Variants in DROSHA observed in about 807,000 individuals in gnomAD.
DROSHA encodes the protein drosha ribonuclease III.
Under a neutral mutation model 181.9 loss-of-function variants are expected in DROSHA, and 56 were observed. The ratio of observed to expected loss-of-function variants is 0.31; its 90% CI spans 0.25 to 0.38. DROSHA has a LOEUF of 0.38. DROSHA is among the 10% of genes least tolerant of loss of function. The probability of loss-of-function intolerance (pLI) is 1.00; values close to 1 mark genes in which losing one functional copy is unlikely to be tolerated. For synonymous variants in DROSHA, 524 were observed against 591.2 expected, an observed-to-expected ratio of 0.89 and a Z score of 1.65; for missense variants, 1,218 against 1,743.5, an observed-to-expected ratio of 0.70 and a Z score of 5.37.
At chr5:31,420,923 T>C (rs1312816689) in intron 30 of DROSHA, among the ~76,000 whole-genome samples, 2 of 152,192 alleles carry the variant, frequency 1.3e-5, no homozygotes, top group Non-Finnish European at 2.9e-5. Flanking sequence ...TATAAACTCA[T>C]GATATATATA....
At chr5:31,474,887 C>A (rs1234503897) in intron 16 of DROSHA, among the ~76,000 whole-genome samples, 1 of 152,142 alleles carries the variant, frequency 6.6e-6, no homozygotes, top group Non-Finnish European at 1.5e-5. Context: ...ACGATGATGC[C>A]CTGATCTCAG....
intron 20 of DROSHA, among the ~76,000 whole-genome samples, chr5:31,453,280 C>T (rs560732153): frequency 6.6e-6 from 1 of 152,266 alleles, no homozygotes; most frequent in East Asian, 1.9e-4. Flanking sequence ...ACTGCAGCCT[C>T]GACCTTCCAG....
intron 11 of DROSHA, among the ~76,000 whole-genome samples, chr5:31,498,389 C>T (rs1161712474): frequency 6.6e-6 from 1 of 151,656 alleles, no homozygotes; most frequent in African/African-American, 2.4e-5. Flanking sequence ...TTTGGTTATA[C>T]TTATGAATAA....
Position 31,409,312 on chromosome 5 carries a change from T to C in DROSHA, c.3688A>G (p.Ile1230Val), listed in dbSNP as rs771619776. 14 of 1,581,320 alleles carry C rather than the reference T, an allele frequency of 8.9e-6. No homozygotes were observed. Among genetic ancestry groups the C allele is most frequent in the Non-Finnish European group, 2.6e-6 (3 of 1,162,662 alleles). Residue 1230 changes from isoleucine (I) to valine (V), a missense_variant, in exon 32 of 36, where the codon ATT becomes GTT. Around this residue, in one of 8 missense-constraint regions of DROSHA, gnomAD observed 47 missense variants for 70.6 expected, o/e 0.67. Coordinates refer to ENST00000344624, the MANE Select transcript of DROSHA (RefSeq NM_001382508.1). This position sits in a 1 kb window ranked among gnomAD's most constrained non-coding sequence, Gnocchi z 4.0. ...LLESFIAALY[I>V]DKDLEYVHTF... The stretch of plus-strand genomic sequence containing the variant: ...TGAACATATTCCAAATCCTTATCAA[T>C]GTACAGCGCTGCAATAAATGCTGGG...
At chr5:31,436,265 T>C (rs540445965) in intron 24 of DROSHA, among the ~76,000 whole-genome samples, 1 of 152,286 alleles carries the variant, frequency 6.6e-6, no homozygotes, top group East Asian at 1.9e-4. Flanking sequence ...ATGTCCATCT[T>C]GTGAAAAGAA....
intron 6 of DROSHA, among the ~76,000 whole-genome samples, chr5:31,519,538 T>C (rs566986613): frequency 6.6e-6 from 1 of 152,294 alleles, no homozygotes; most frequent in South Asian, 2.1e-4. Flanking sequence ...ATGTTTTTAA[T>C]TACCATGTTG....
At chr5:31,477,386 T>C (rs554425229) in intron 16 of DROSHA, among the ~76,000 whole-genome samples, 39 of 152,354 alleles carry the variant, frequency 2.6e-4, no homozygotes, top group African/African-American at 8.4e-4. Flanking sequence ...TGACTGCGTT[T>C]CTGTGTCTTC....
At chr5:31,518,439 A>G (rs1391652429) in intron 6 of DROSHA, among the ~76,000 whole-genome samples, 1 of 152,248 alleles carries the variant, frequency 6.6e-6, no homozygotes, top group Non-Finnish European at 1.5e-5. Context: ...CATTGGTCCT[A>G]TGCATTACAA....
rs1561134560 is a variant in DROSHA at position 31,422,774 on chromosome 5, A to G, written c.3419+13T>C. On this transcript the variant is annotated intron_variant, in intron 29 of 35. Transcript: ENST00000344624. ...ATGGTCACATTGGGACTACATGAGA[A>G]CTTTTAACTCACAGGGTCAGATGGT... 1.2e-6 allele frequency: 2 copies of G among 1,613,324 alleles called. No individual in the cohort carries two copies. The highest frequency in any genetic ancestry group is 1.7e-6 in the Non-Finnish European group (2 of 1,179,618).
intron 30 of DROSHA, among the ~76,000 whole-genome samples, chr5:31,419,063 A>G (rs2149993831): frequency 6.6e-6 from 1 of 152,322 alleles, no homozygotes; most frequent in African/African-American, 2.4e-5. Flanking sequence ...ACTGTTTATT[A>G]GCTGTGAGAC....
chr5:31,500,335 A>G (rs1222865850), intron 11 of DROSHA, among the ~76,000 whole-genome samples: 3 of 152,242 alleles, frequency 2.0e-5, no homozygotes, highest in Admixed American at 1.3e-4. Flanking sequence ...GAGAGCTTTG[A>G]TCAACAGGGC....
intron 23 of DROSHA, among the ~76,000 whole-genome samples, chr5:31,442,825 T>C (rs112373643): frequency 6.6e-6 from 1 of 151,796 alleles, no homozygotes; most frequent in East Asian, 1.9e-4. Context: ...TGGACACTTG[T>C]AGGGAGGACA....
At chr5:31,429,036 T>C (rs77352679) in intron 27 of DROSHA, among the ~76,000 whole-genome samples, 6,136 of 152,236 alleles carry the variant, frequency 0.04, 412 homozygotes, top group African/African-American at 0.14. Context: ...TGAACTGACA[T>C]TTAAAAATAA....
intron 14 of DROSHA, 76 bp from the exon 15 acceptor site, chr5:31,485,038 C>T: frequency 3.8e-6 from 4 of 1,048,906 alleles, no homozygotes; most frequent in Non-Finnish European, 5.6e-6. Context: ...TTGTTCTTGT[C>T]AAGTGTCTTT....
chr5:31,422,807 C>T lies in DROSHA; in HGVS notation c.3399G>A (p.Val1133=). ...LLARAFTLRT[V]GFNHLTLGHN... Reference sequence around the variant, plus strand: ...CTCACAGGGTCAGATGGTTAAATCCCACAGTTCTCAATGTGAATGCCCTTG... The same window carrying T: ...CTCACAGGGTCAGATGGTTAAATCCTACAGTTCTCAATGTGAATGCCCTTG... The change falls in exon 29 of 36, where the codon GTG becomes GTA. Residue 1133 remains valine, a synonymous_variant. Transcript: ENST00000344624. The T allele has an allele frequency of 3.7e-6, 6 of 1,613,694 alleles. No homozygotes were observed. Among genetic ancestry groups the T allele is most frequent in the Non-Finnish European group, 5.1e-6 (6 of 1,179,738 alleles).
intron 18 of DROSHA, chr5:31,467,732 A>G: frequency 1.9e-6 from 1 of 523,766 alleles, no homozygotes; most frequent in Middle Eastern, 6.3e-4. Context: ...TCTATTGAAT[A>G]ATAGTTTCTT....
At position 31,419,873 on chromosome 5, in the gene DROSHA, C is replaced by G. The variant is rs1344097095; in HGVS notation, c.3525+1399G>C. 5.3e-5 allele frequency among the ~76,000 whole-genome samples: 8 copies of G among 152,172 alleles called. No homozygotes were observed. The East Asian group carries it at 1.5e-3, about 29-fold the overall frequency. ...TAATGAACAGTAAGATACTATAGTT[C>G]ATTTCTCAAAAATGTTTATAGTTTA... On this transcript the variant is annotated intron_variant, in intron 30 of 35. Transcript: ENST00000344624.
At chr5:31,490,669 A>G (rs1305400712) in intron 13 of DROSHA, among the ~76,000 whole-genome samples, 3 of 152,216 alleles carry the variant, frequency 2.0e-5, no homozygotes, top group Non-Finnish European at 4.4e-5. Context: ...TGTCATTACC[A>G]TCATTTGCAT....
At chr5:31,529,240 T>A in intron 3 of DROSHA, 135 bp from the exon 4 acceptor site, 1 of 710,100 alleles carries the variant, frequency 1.4e-6, no homozygotes, top group Non-Finnish European at 2.3e-6. Flanking sequence ...ATTAAAAGCA[T>A]GTTGAACTGT....
Sources: allele counts gnomAD v4.1 joint callset (sites outside exome capture counted in the v4.1 genomes callset), GRCh38; gene constraint gnomAD v4.1.1; regional missense constraint gnomAD v4.1.1; non-coding constraint Gnocchi (gnomAD v3.1); transcripts MANE v1.5; gene names NCBI Gene and HGNC (gene_info 2026-07-23, HGNC 2026-07-21).